The following ASIC2 variants were observed in gnomAD, a reference collection of about 807,000 sequenced individuals.
ASIC2 encodes the protein acid sensing ion channel subunit 2.
A neutral mutation model predicts 57.3 loss-of-function variants in ASIC2; 25 were observed. The observed-to-expected ratio is 0.44, with a 90% confidence interval of 0.32 to 0.61. ASIC2 has a LOEUF of 0.61. ASIC2 is among the 20% of genes least tolerant of loss of function. ASIC2 has a pLI of 0.06. For synonymous variants in ASIC2, 319 were observed against 307.5 expected (o/e 1.04, Z -0.39); for missense variants, 641 against 738.1 (o/e 0.87, Z 1.52).
At chr17:33,234,455 G>A (rs1908220937) in intron 1 of ASIC2, among the ~76,000 whole-genome samples, 1 of 152,188 alleles carries the variant, frequency 6.6e-6, no homozygotes, top group Admixed American at 6.5e-5. Flanking sequence ...TGGGAGGTGA[G>A]TGGTTTCAGA....
chr17:33,520,974 C>T (rs78511135), intron 1 of ASIC2, among the ~76,000 whole-genome samples: 1,964 of 152,266 alleles, frequency 0.013, 29 homozygotes, highest in Non-Finnish European at 0.018. Flanking sequence ...AAAGCAAAAA[C>T]TTCGAAGAGA....
intron 1 of ASIC2, among the ~76,000 whole-genome samples, chr17:33,728,299 A>G (rs1375475551): frequency 6.6e-6 from 1 of 151,664 alleles, no homozygotes; most frequent in Non-Finnish European, 1.5e-5. Flanking sequence ...AGCATAAGGG[A>G]CCTCCAGACC....
intron 1 of ASIC2, among the ~76,000 whole-genome samples, chr17:33,548,516 A>T (rs1035511956): frequency 6.6e-6 from 1 of 152,162 alleles, no homozygotes; most frequent in Admixed American, 6.6e-5. Flanking sequence ...AATGAGGGGT[A>T]TTATTGCACA....
At chr17:33,838,289 T>A (rs568522890) in intron 1 of ASIC2, among the ~76,000 whole-genome samples, 1 of 152,278 alleles carries the variant, frequency 6.6e-6, no homozygotes, top group Non-Finnish European at 1.5e-5. Context: ...TTGAGCTCTT[T>A]AAGAAGGCAA....
chr17:33,483,473 C>G (rs1443328261), intron 1 of ASIC2, among the ~76,000 whole-genome samples: 2 of 152,226 alleles, frequency 1.3e-5, no homozygotes, highest in African/African-American at 4.8e-5. Context: ...ACTGCCTTGC[C>G]TCACTCGGCG....
intron 3 of ASIC2, among the ~76,000 whole-genome samples, chr17:33,044,662 C>G (rs1388549988): frequency 6.6e-6 from 1 of 152,132 alleles, no homozygotes; most frequent in Non-Finnish European, 1.5e-5. Flanking sequence ...CGCCTGGCCC[C>G]AATAAACATT....
intron 1 of ASIC2, among the ~76,000 whole-genome samples, chr17:33,860,706 T>C (rs937158295): frequency 6.6e-6 from 1 of 152,214 alleles, no homozygotes; most frequent in African/African-American, 2.4e-5. Context: ...TTTGTTTCCA[T>C]AGCATGAATT....
intron 3 of ASIC2, among the ~76,000 whole-genome samples, chr17:33,036,427 T>C (rs2091908810): frequency 6.6e-6 from 1 of 152,114 alleles, no homozygotes; most frequent in Admixed American, 6.5e-5. Context: ...TCAGACATTA[T>C]TTATTTAATT....
chr17:33,195,144 T>C (rs1340906841), intron 1 of ASIC2, among the ~76,000 whole-genome samples: 5 of 152,098 alleles, frequency 3.3e-5, no homozygotes, highest in Non-Finnish European at 5.9e-5. Context: ...GGAAGGAAAA[T>C]TTAAAAAGTG....
chr17:33,210,674 G>A (rs1907234258), intron 1 of ASIC2, among the ~76,000 whole-genome samples: 1 of 152,172 alleles, frequency 6.6e-6, no homozygotes, highest in African/African-American at 2.4e-5. Flanking sequence ...AGGGAATATG[G>A]GGGCAGACAA....
chr17:33,969,816 T>A lies in ASIC2; in HGVS notation c.555+186162A>T, dbSNP rs144026148. ...AGAGTCCCAGGTGCTTGTTGTAGAA[T>A]GTCATCGGCAGCTACTGCCATGGTG... On this transcript the variant is annotated intron_variant, in intron 1 of 9. Transcript: ENST00000359872. 2.4e-3 allele frequency among the ~76,000 whole-genome samples: 358 copies of A among 152,176 alleles called. 1 individual carries two copies. The highest frequency in any genetic ancestry group is 3.9e-3 in the Non-Finnish European group (263 of 67,992).
intron 1 of ASIC2, among the ~76,000 whole-genome samples, chr17:33,247,624 G>C (rs1289598514): frequency 6.6e-6 from 1 of 152,216 alleles, no homozygotes; most frequent in Admixed American, 6.5e-5. Context: ...GTCTACCCGT[G>C]TCTACTCTCA....
rs966955451 is a variant in ASIC2 at position 33,292,751 on chromosome 17, C to G, written c.-636G>C. ...CGGGGGTGAGTGGTCGCCTTGCCGGCTGCCGCCTTCTTTCCCTTCCCCTCC... is the reference window on the plus strand; with the variant it reads ...CGGGGGTGAGTGGTCGCCTTGCCGGGTGCCGCCTTCTTTCCCTTCCCCTCC... On this transcript the variant is annotated 5_prime_UTR_variant, in exon 1 of 10. Coordinates refer to ENST00000225823, the MANE Select transcript of ASIC2 (RefSeq NM_183377.2). 1.0e-4 allele frequency: 103 copies of G among 985,946 alleles called. No homozygotes were observed. In the African/African-American group the frequency reaches 1.7e-3, roughly 17 times the overall value. The allele number at this position is 985,946 out of a possible 1,614,324, so 61.1% of individuals were successfully genotyped here.
chr17:33,083,026 T>G (rs1374983264), intron 3 of ASIC2, among the ~76,000 whole-genome samples: 2 of 152,140 alleles, frequency 1.3e-5, no homozygotes, highest in African/African-American at 4.8e-5. Context: ...GAATATATCA[T>G]CCATCACAGC....
chr17:33,776,813 C>T (rs779576830), intron 1 of ASIC2, among the ~76,000 whole-genome samples: 11 of 152,166 alleles, frequency 7.2e-5, no homozygotes, highest in Non-Finnish European at 1.3e-4. Flanking sequence ...TTTGAGTTTT[C>T]GGATACTCTC....
At chr17:34,090,262 T>C (rs1384907940) in intron 1 of ASIC2, among the ~76,000 whole-genome samples, 1 of 152,224 alleles carries the variant, frequency 6.6e-6, no homozygotes, top group Non-Finnish European at 1.5e-5. Flanking sequence ...CAGCCAAACA[T>C]GTGCCCACAC....
At chr17:33,775,775 T>C (rs7215199) in intron 1 of ASIC2, among the ~76,000 whole-genome samples, 97,782 of 152,004 alleles carry the variant, frequency 0.64, 32,353 homozygotes, top group Non-Finnish European at 0.73. Flanking sequence ...AGCTCAGCTC[T>C]TCCACTCTCT....
chr17:33,693,490 A>G (rs1908434980), intron 1 of ASIC2, among the ~76,000 whole-genome samples: 1 of 152,196 alleles, frequency 6.6e-6, no homozygotes, highest in African/African-American at 2.4e-5. Context: ...ACTAGAGCTC[A>G]GGTGCCTTAG....
chr17:33,454,453 C>T (rs943181989), intron 1 of ASIC2, among the ~76,000 whole-genome samples: 6 of 152,210 alleles, frequency 3.9e-5, no homozygotes, highest in African/African-American at 7.2e-5. Context: ...ACATCATGCC[C>T]ATTGTAGGCA....
Sources: gnomAD v4.1 joint callset for allele counts (sites outside exome capture counted in the v4.1 genomes callset) on GRCh38, gnomAD v4.1.1 for gene constraint, MANE v1.5 for transcripts, NCBI Gene and HGNC (gene_info 2026-07-23, HGNC 2026-07-21) for gene names.